PRKG1: variants seen among roughly 807,000 people sequenced by gnomAD.
PRKG1 encodes cGMP-dependent protein kinase 1.
In PRKG1, 35 loss-of-function variants were observed where a neutral mutation model predicts 88.1. That is an observed-to-expected ratio of 0.40 (90% CI 0.30 to 0.53). The LOEUF is 0.53. Ranked by LOEUF, PRKG1 falls within the 20% of genes least tolerant of loss-of-function variation. PRKG1 has a pLI of 0.59. For missense variants in PRKG1, 540 were observed against 839.8 expected (o/e 0.64, Z 4.41); for synonymous variants, 303 against 292.5 (o/e 1.04, Z -0.37).
intron 7 of PRKG1, among the ~76,000 whole-genome samples, chr10:52,075,992 G>A (rs1462410477): frequency 1.3e-5 from 2 of 151,888 alleles, no homozygotes; most frequent in South Asian, 4.2e-4. Context: ...AATTTAAAGG[G>A]GATAATTTAT....
intron 3 of PRKG1, among the ~76,000 whole-genome samples, chr10:51,688,048 G>A (rs1841039382): frequency 6.6e-6 from 1 of 152,150 alleles, no homozygotes; most frequent in African/African-American, 2.4e-5. Context: ...TCTGCTAGTG[G>A]AAGGGAAGCC....
At chr10:52,094,359 C>CT (rs1340853263) in intron 7 of PRKG1, among the ~76,000 whole-genome samples, 7 of 152,018 alleles carry the variant, frequency 4.6e-5, no homozygotes, top group Non-Finnish European at 7.4e-5. Flanking sequence ...AAGCTAATTT[C>CT]TTTTTTTGAT....
rs79609708 is a variant in PRKG1, at chr10:51,181,629, A to G, written c.478+28299A>G. ...GCTGTTCTTAGAACATACAGTCAGA[A>G]CTACATTTAGTGATACTCACCATGT... On this transcript the variant is annotated intron_variant, in intron 2 of 17. Transcript: ENST00000373980. 9.2e-4 allele frequency among the ~76,000 whole-genome samples: 140 copies of G among 152,318 alleles called. 2 individuals carry two copies. The East Asian group carries it at 0.026, about 28-fold the overall frequency.
intron 6 of PRKG1, among the ~76,000 whole-genome samples, chr10:52,057,853 G>A (rs557324598): frequency 1.1e-4 from 16 of 151,928 alleles, no homozygotes; most frequent in African/African-American, 3.6e-4. Context: ...ATATGTTTAT[G>A]TATACATTAT....
At chr10:51,254,733 A>T (rs568386572) in intron 2 of PRKG1, among the ~76,000 whole-genome samples, 1 of 152,154 alleles carries the variant, frequency 6.6e-6, no homozygotes, top group East Asian at 1.9e-4. Flanking sequence ...GTCATTATTT[A>T]TTTCTTTAGA....
chr10:51,904,508 A>G (rs1842044920), intron 4 of PRKG1, among the ~76,000 whole-genome samples: 1 of 152,154 alleles, frequency 6.6e-6, no homozygotes, highest in Admixed American at 6.6e-5. Context: ...AGTCATTTTT[A>G]GAAAGCAAAT....
At chr10:52,166,364 A>T (rs1449849776) in intron 9 of PRKG1, among the ~76,000 whole-genome samples, 2 of 152,020 alleles carry the variant, frequency 1.3e-5, no homozygotes, top group African/African-American at 4.8e-5. Context: ...TTGAATGAAT[A>T]CTTTCACTAT....
intron 2 of PRKG1, among the ~76,000 whole-genome samples, chr10:51,437,949 G>A (rs1461513379): frequency 6.6e-6 from 1 of 151,304 alleles, no homozygotes; most frequent in African/African-American, 2.4e-5. Flanking sequence ...ACTGTTCAAA[G>A]GCTAAGAAAT....
chr10:52,038,842 G>A (rs552368014), intron 5 of PRKG1, among the ~76,000 whole-genome samples: 7 of 152,236 alleles, frequency 4.6e-5, no homozygotes, highest in African/African-American at 1.7e-4. Context: ...TGTCTCCTTT[G>A]TCTCTCCCAG....
intron 2 of PRKG1, among the ~76,000 whole-genome samples, chr10:51,304,905 C>A (rs1177575755): frequency 1.3e-5 from 2 of 152,000 alleles, no homozygotes; most frequent in Admixed American, 6.6e-5. Context: ...TTTGTCACTT[C>A]CTTACGTCAC....
intron 5 of PRKG1, among the ~76,000 whole-genome samples, chr10:52,013,154 C>T (rs1589517210): frequency 6.6e-6 from 1 of 151,452 alleles, no homozygotes; most frequent in Non-Finnish European, 1.5e-5. Context: ...TGCGGTGGCT[C>T]ACGCCTGTAA....
intron 1 of PRKG1, among the ~76,000 whole-genome samples, chr10:51,133,363 T>A (rs921840875): frequency 6.6e-6 from 1 of 152,136 alleles, no homozygotes; most frequent in African/African-American, 2.4e-5. Context: ...TCTTACAATT[T>A]GATGATAACC....
At chr10:52,076,625 A>G (rs1303518344) in intron 7 of PRKG1, among the ~76,000 whole-genome samples, 1 of 152,222 alleles carries the variant, frequency 6.6e-6, no homozygotes, top group Non-Finnish European at 1.5e-5. Flanking sequence ...GACAAACACT[A>G]TTTAAAGTAG....
intron 3 of PRKG1, among the ~76,000 whole-genome samples, chr10:51,616,829 G>A (rs1224277082): frequency 6.6e-6 from 1 of 152,106 alleles, no homozygotes; most frequent in East Asian, 1.9e-4. Flanking sequence ...GTTGGTGGGT[G>A]GGAACATGCA....
intron 16 of PRKG1, among the ~76,000 whole-genome samples, chr10:52,289,936 A>C (rs1382903037): frequency 5.9e-5 from 9 of 152,176 alleles, no homozygotes; most frequent in African/African-American, 1.9e-4. Context: ...ACATGTATTA[A>C]ATTTTAATTA....
At chr10:51,913,570 T>C (rs948203554) in intron 5 of PRKG1, among the ~76,000 whole-genome samples, 1 of 152,178 alleles carries the variant, frequency 6.6e-6, no homozygotes, top group Non-Finnish European at 1.5e-5. Context: ...TTTTCTCTAG[T>C]CTCTTTGAAA....
chr10:51,354,957 G>C (rs1842334028), intron 2 of PRKG1, among the ~76,000 whole-genome samples: 1 of 152,018 alleles, frequency 6.6e-6, no homozygotes. Context: ...CAAATGTCTG[G>C]GCATAGGAAT....
At chr10:52,103,753 A>G (rs1847349753) in intron 7 of PRKG1, among the ~76,000 whole-genome samples, 5 of 151,888 alleles carry the variant, frequency 3.3e-5, no homozygotes, top group Admixed American at 3.3e-4. Context: ...GTTGAGGAGA[A>G]ATAATAATAA....
intron 3 of PRKG1, among the ~76,000 whole-genome samples, chr10:51,583,671 G>A (rs562176167): frequency 6.6e-6 from 1 of 152,120 alleles, no homozygotes; most frequent in African/African-American, 2.4e-5. Flanking sequence ...AATTTCATAA[G>A]CAAATGTCAG....
Sources: allele counts gnomAD v4.1 joint callset (sites outside exome capture counted in the v4.1 genomes callset), GRCh38; gene constraint gnomAD v4.1.1; transcripts MANE v1.5; gene names NCBI Gene and HGNC (gene_info 2026-07-23, HGNC 2026-07-21).